Variants in TBC1D31 observed in about 807,000 individuals in gnomAD.
TBC1D31 encodes TBC1 domain family member 31.
TBC1D31 carries 99 observed loss-of-function variants against 132.9 expected under a neutral mutation model. That is an observed-to-expected ratio of 0.74 (90% confidence interval 0.63 to 0.88). The LOEUF is 0.88. Ranked by LOEUF, TBC1D31 falls within the 40% of genes least tolerant of loss-of-function variation. TBC1D31 has a pLI of 0.00. For synonymous variants in TBC1D31, 385 were observed against 419.4 expected, an observed-to-expected ratio of 0.92 and a Z score of 1.00; for missense variants, 1,134 against 1,256.6, an observed-to-expected ratio of 0.90 and a Z score of 1.48.
Position 123,072,748 on chromosome 8 carries a change from G to C in TBC1D31, c.-22G>C. 6.4e-7 allele frequency: 1 copy of C among 1,552,558 alleles called. No individual in the cohort carries two copies. The highest frequency in any genetic ancestry group is 8.7e-7 in the Non-Finnish European group (1 of 1,148,000). ...GGGACGGTTACCCAGCGGGCCGCCGGCGGTCGTGGGCAAGCTTCGCCATGC... is the reference window on the plus strand; with the variant it reads ...GGGACGGTTACCCAGCGGGCCGCCGCCGGTCGTGGGCAAGCTTCGCCATGC... On this transcript the variant is annotated 5_prime_UTR_variant, in exon 1 of 22. Transcript: ENST00000287380.
intron 3 of TBC1D31, chr8:123,083,465 C>A (rs952494990): frequency 6.6e-6 from 1 of 150,986 alleles, no homozygotes; most frequent in Non-Finnish European, 1.5e-5. Flanking sequence ...GTCATGTTGC[C>A]CAGGTTGGTC....
At chr8:123,118,886 G>T (rs936725431) in intron 10 of TBC1D31, among the ~76,000 whole-genome samples, 1 of 152,136 alleles carries the variant, frequency 6.6e-6, no homozygotes, top group Admixed American at 6.5e-5. Flanking sequence ...ACCACACCTG[G>T]CTAATTTTTA....
chr8:123,150,611 C>T (rs1407571871), intron 21 of TBC1D31, among the ~76,000 whole-genome samples: 2 of 152,190 alleles, frequency 1.3e-5, no homozygotes, highest in African/African-American at 4.8e-5. Flanking sequence ...GCCCCAGCAG[C>T]AGTAGAATGG....
chr8:123,100,825 C>G lies in TBC1D31; in HGVS notation c.850C>G (p.Gln284Glu). The change falls in exon 7 of 22, where the codon CAA (glutamine) becomes GAA (glutamate). Residue 284 changes from glutamine to glutamate, a missense_variant. Coordinates refer to ENST00000287380, the MANE Select transcript of TBC1D31 (RefSeq NM_145647.4). ...GSNQVLGVLS[Q>E]DGIMRFINMQ... ...CTCTTAGGTTCTTGGAGTACTAAGT[C>G]AAGATGGTATTATGAGATTTATCAA... 1 of 1,613,206 alleles carries G rather than the reference C, an allele frequency of 6.2e-7. No homozygotes were observed. The highest frequency in any genetic ancestry group is 8.5e-7 in the Non-Finnish European group (1 of 1,179,430).
Position 123,072,949 on chromosome 8 carries a change from G to A in TBC1D31, c.77+103G>A, listed in dbSNP as rs143938763. 595 of 1,193,472 alleles carry A rather than the reference G, an allele frequency of 5.0e-4. 6 individuals carry two copies. The African/African-American group carries it at 7.9e-3, about 16-fold the overall frequency. 73.9% of individuals were successfully genotyped at this position (1,193,472 alleles called of 1,614,324 possible). A position where few individuals can be genotyped will look rare whatever the true frequency, so the allele number is the denominator to read the frequency against. Reference sequence around the variant, plus strand: ...CGTTCCGGGTTCTGGCTCTGACCTTGCCCCGCATCCCTGGGTTGGATGACC... The same window carrying A: ...CGTTCCGGGTTCTGGCTCTGACCTTACCCCGCATCCCTGGGTTGGATGACC... On this transcript the variant is annotated intron_variant, in intron 1 of 21. Coordinates refer to ENST00000287380, the MANE Select transcript of TBC1D31 (RefSeq NM_145647.4).
At chr8:123,102,097 AT>A in intron 7 of TBC1D31, 1 of 378,750 alleles carries the variant, frequency 2.6e-6, no homozygotes, top group South Asian at 2.0e-5. Context: ...TTTCACGAAA[AT>A]GCATGCCTCA....
chr8:123,154,999 A>T (rs1198962332), downstream of TBC1D31, among the ~76,000 whole-genome samples: 1 of 152,166 alleles, frequency 6.6e-6, no homozygotes, highest in African/African-American at 2.4e-5. Flanking sequence ...ATCACTGCAG[A>T]CCTGAGATGA....
intron 10 of TBC1D31, among the ~76,000 whole-genome samples, chr8:123,116,623 A>G (rs1032811932): frequency 6.6e-6 from 1 of 152,150 alleles, no homozygotes; most frequent in Non-Finnish European, 1.5e-5. Context: ...AGAAGGCCTA[A>G]CAATGACACC....
Position 123,150,067 on chromosome 8 carries a change from A to G in TBC1D31, c.3006A>G (p.Ser1002=). The G allele has an allele frequency of 6.2e-7, 1 of 1,614,108 alleles. No individual in the cohort carries two copies. Among genetic ancestry groups the G allele is most frequent in the Non-Finnish European group, 8.5e-7 (1 of 1,179,970 alleles). Residue 1002 remains serine (S), a synonymous_variant, in exon 21 of 22, where the codon TCA becomes TCG. Transcript: ENST00000287380. ...EEPRFQNEQD[S]SCLPRTSQLN... is the part of the protein sequence containing the mutation. ...CCAGGTTCCAAAATGAACAGGACTC[A>G]AGCTGTTTGCCTAGAACCTCACAAT...
At chr8:123,073,171 G>A in intron 1 of TBC1D31, 1 of 484,054 alleles carries the variant, frequency 2.1e-6, no homozygotes, top group South Asian at 1.8e-5. Flanking sequence ...TCCCTGGCAC[G>A]TAGTAGGTGC....
intron 10 of TBC1D31, among the ~76,000 whole-genome samples, chr8:123,119,439 A>G (rs1364869707): frequency 6.6e-6 from 1 of 152,204 alleles, no homozygotes; most frequent in Non-Finnish European, 1.5e-5. Flanking sequence ...GGCTGGGCAC[A>G]GTGGCTCACG....
At chr8:123,131,722 A>G (rs535050859) in intron 16 of TBC1D31, among the ~76,000 whole-genome samples, 8 of 151,942 alleles carry the variant, frequency 5.3e-5, no homozygotes, top group African/African-American at 1.7e-4. Flanking sequence ...AGTAACTTCT[A>G]AATTATGACA....
chr8:123,082,105 C>A (rs1408727898), intron 2 of TBC1D31, among the ~76,000 whole-genome samples: 1 of 152,156 alleles, frequency 6.6e-6, no homozygotes, highest in Non-Finnish European at 1.5e-5. Flanking sequence ...TGTTTAAAAG[C>A]AGGTTTATTA....
chr8:123,091,136 G>A (rs1816283287), intron 4 of TBC1D31, among the ~76,000 whole-genome samples: 1 of 151,910 alleles, frequency 6.6e-6, no homozygotes, highest in Non-Finnish European at 1.5e-5. Context: ...TTTTCCTAAG[G>A]TTTTTATGTT....
At position 123,120,291 on chromosome 8, in the gene TBC1D31, C is replaced by T. The variant is rs1586670891; in HGVS notation, c.1570+103C>T. 3 of 924,748 alleles carry T rather than the reference C, an allele frequency of 3.2e-6. No individual in the cohort carries two copies. The East Asian group carries it at 8.2e-5, about 25-fold the overall frequency. The allele number at this position is 924,748 out of a possible 1,614,324, so 57.3% of individuals were successfully genotyped here. A position where few individuals can be genotyped will look rare whatever the true frequency, so the allele number is the denominator to read the frequency against. The stretch of plus-strand genomic sequence containing the variant: ...CATTTAACAATTCTAGATGTCTCTA[C>T]TTTTAAGTCACGAAAGTGTGAAACA... On this transcript the variant is annotated intron_variant, in intron 11 of 21. Coordinates refer to ENST00000287380, the MANE Select transcript of TBC1D31 (RefSeq NM_145647.4).
At chr8:123,160,784 T>C in the TBC1D31 span, among the ~76,000 whole-genome samples, 1 of 151,826 alleles carries the variant, frequency 6.6e-6, no homozygotes, top group Non-Finnish European at 1.5e-5. Context: ...GAGTTGGGGG[T>C]GGGGGCGGTG....
intron 1 of TBC1D31, chr8:123,073,476 C>G (rs12541131): frequency 0.16 from 73,562 of 449,178 alleles, 6,637 homozygotes; most frequent in Admixed American, 0.19. Context: ...TGGGGGGCTT[C>G]TAGTACGGCC....
At chr8:123,118,415 A>G (rs181479504) in intron 10 of TBC1D31, among the ~76,000 whole-genome samples, 33 of 152,362 alleles carry the variant, frequency 2.2e-4, no homozygotes, top group African/African-American at 7.7e-4. Context: ...AAGTTAAAAA[A>G]AGGAAATTAA....
chr8:123,084,336 A>G lies in TBC1D31; in HGVS notation c.515A>G (p.Gln172Arg), dbSNP rs61753518. 1.1e-4 allele frequency: 176 copies of G among 1,613,850 alleles called. No homozygotes were observed. Among genetic ancestry groups the G allele is most frequent in the Non-Finnish European group, 1.4e-4 (171 of 1,179,892 alleles). ...KLNIRQSVGI[Q>R]KVFFLPLSNT... ...AATATTCGCCAGTCTGTGGGTATAC[A>G]GAAGGTCAGTGAGGGGGTACATCTT... Residue 172 changes from glutamine to arginine, a missense_variant, in exon 4 of 22, where the codon CAG becomes CGG. Transcript: ENST00000287380.
Sources: allele counts gnomAD v4.1 joint callset (sites outside exome capture counted in the v4.1 genomes callset), GRCh38; gene constraint gnomAD v4.1.1; transcripts MANE v1.5; gene names NCBI Gene and HGNC (gene_info 2026-07-23, HGNC 2026-07-21).